The following N4BP2L2 variants were observed in gnomAD, a reference collection of about 807,000 sequenced individuals.
N4BP2L2 encodes the protein NEDD4-binding protein 2-like 2.
Under a neutral mutation model 56.2 loss-of-function variants are expected in N4BP2L2, and 50 were observed. That is an observed-to-expected ratio of 0.89 (90% CI 0.71 to 1.13). N4BP2L2 has a LOEUF of 1.13. Ranked by LOEUF, N4BP2L2 falls within the 50% of genes most tolerant of loss-of-function variation. The pLI, the probability that N4BP2L2 is intolerant of heterozygous loss-of-function variation, is 0.00. For synonymous variants in N4BP2L2, 203 were observed against 223.6 expected (o/e 0.91, Z 0.82); for missense variants, 689 against 693.8 (o/e 0.99, Z 0.08).
At chr13:32,485,968 G>A (rs748054357) in intron 6 of N4BP2L2, among the ~76,000 whole-genome samples, 2 of 152,184 alleles carry the variant, frequency 1.3e-5, no homozygotes, top group Non-Finnish European at 2.9e-5. Flanking sequence ...CACTCAGGAG[G>A]CTGAGGTGGA....
chr13:32,516,942 C>T (rs1016249935), exon 6 of N4BP2L2: 2 of 981,392 alleles, frequency 2.0e-6, no homozygotes, highest in Non-Finnish European at 2.4e-6. Flanking sequence ...CATCTAAAAA[C>T]TATCCAGTGA....
At chr13:32,442,855 T>C (rs755059242) in exon 7 of N4BP2L2, 7 of 1,613,628 alleles carry the variant, frequency 4.3e-6, no homozygotes, top group South Asian at 1.1e-5. Flanking sequence ...TTTGATAATA[T>C]CAAGGTAAAA....
At chr13:32,493,128 T>G (rs1460033763) in intron 6 of N4BP2L2, among the ~76,000 whole-genome samples, 1 of 151,988 alleles carries the variant, frequency 6.6e-6, no homozygotes, top group Admixed American at 6.6e-5. Flanking sequence ...TTTCACCATG[T>G]TGGCCAGGCT....
At chr13:32,442,007 C>T (rs1033169265) in intron 7 of N4BP2L2, among the ~76,000 whole-genome samples, 2 of 151,588 alleles carry the variant, frequency 1.3e-5, no homozygotes, top group Non-Finnish European at 2.9e-5. Flanking sequence ...ACCCGGGAGG[C>T]GGAGCTTGCA....
chr13:32,531,130 G>T (rs759404682), intron 2 of N4BP2L2, among the ~76,000 whole-genome samples: 1 of 152,114 alleles, frequency 6.6e-6, no homozygotes, highest in African/African-American at 2.4e-5. Context: ...CCCAAATCAA[G>T]CCTTCAGACC....
At chr13:32,484,101 G>C (rs551934132) in intron 6 of N4BP2L2, among the ~76,000 whole-genome samples, 53 of 152,112 alleles carry the variant, frequency 3.5e-4, no homozygotes, top group African/African-American at 1.3e-3. Flanking sequence ...CTTCTGCCAA[G>C]AGTTTGAGTC....
intron 6 of N4BP2L2, among the ~76,000 whole-genome samples, chr13:32,444,614 C>T (rs2076767905): frequency 1.3e-5 from 2 of 152,096 alleles, no homozygotes; most frequent in African/African-American, 4.8e-5. Flanking sequence ...ATATTTTAAT[C>T]CTATACATTA....
At chr13:32,478,947 T>A (rs1253174341) in intron 6 of N4BP2L2, 1 of 152,110 alleles carries the variant, frequency 6.6e-6, no homozygotes, top group Non-Finnish European at 1.5e-5. Context: ...CTGGCCAACA[T>A]GGTGAAACGC....
At position 32,527,531 on chromosome 13, in the gene N4BP2L2, T is replaced by A. The variant is rs1378127371; in HGVS notation, c.1261A>T (p.Ile421Phe). 4.3e-6 allele frequency: 7 copies of A among 1,610,994 alleles called. No homozygotes were observed. In the Admixed American group the frequency reaches 1.2e-4, roughly 27 times the overall value. The change falls in exon 3 of 6, where the codon ATT becomes TTT. Residue 421 changes from isoleucine to phenylalanine, a missense_variant and splice_region_variant. Transcript: ENST00000267068. Reference sequence around the variant, plus strand: ...CCATCACGATTCTGACCAAGCAGAATTCTGTTAATAAAAGAAATCATAAAG... The same window carrying A: ...CCATCACGATTCTGACCAAGCAGAAATCTGTTAATAAAAGAAATCATAAAG...
intron 6 of N4BP2L2, among the ~76,000 whole-genome samples, chr13:32,490,366 G>A (rs2086797884): frequency 6.6e-6 from 1 of 152,086 alleles, no homozygotes. Flanking sequence ...GTGCAGTGGC[G>A]CGATCTCGGC....
At chr13:32,529,665 T>C (rs747571793) in intron 2 of N4BP2L2, among the ~76,000 whole-genome samples, 1 of 152,014 alleles carries the variant, frequency 6.6e-6, no homozygotes, top group Non-Finnish European at 1.5e-5. Context: ...TTGTTTTTTT[T>C]TTTGTTTCGT....
intron 6 of N4BP2L2, chr13:32,477,172 C>T (rs940489232): frequency 1.9e-6 from 1 of 520,142 alleles, no homozygotes; most frequent in Non-Finnish European, 3.6e-6. Flanking sequence ...CTGAGATCTA[C>T]TCATTTCTCC....
chr13:32,439,242 TATC>T (rs1319526266), intron 7 of N4BP2L2, among the ~76,000 whole-genome samples: 1 of 152,256 alleles, frequency 6.6e-6, no homozygotes, highest in Non-Finnish European at 1.5e-5. Flanking sequence ...TTCATAAGCT[TATC>T]ATTTATATTT....
At chr13:32,534,347 TTG>T (rs1161215677) in intron 2 of N4BP2L2, among the ~76,000 whole-genome samples, 1 of 152,208 alleles carries the variant, frequency 6.6e-6, no homozygotes, top group Non-Finnish European at 1.5e-5. Flanking sequence ...CTCCAATATG[TTG>T]TCTCAAATCT....
chr13:32,432,574 C>T (rs1305872516), exon 10 of N4BP2L2: 2 of 152,120 alleles, frequency 1.3e-5, no homozygotes, highest in East Asian at 1.9e-4. Context: ...ACAATGAATA[C>T]ATTTGGAAAA....
intron 6 of N4BP2L2, among the ~76,000 whole-genome samples, chr13:32,456,350 C>G (rs562527977): frequency 9.4e-4 from 143 of 152,302 alleles, no homozygotes; most frequent in Non-Finnish European, 1.7e-3. Flanking sequence ...CCTACCCAAC[C>G]AACACCATAG....
At chr13:32,483,644 T>C (rs2085230579) in intron 6 of N4BP2L2, among the ~76,000 whole-genome samples, 1 of 152,244 alleles carries the variant, frequency 6.6e-6, no homozygotes, top group Admixed American at 6.5e-5. Context: ...TAGCATTGCA[T>C]GATTACTTTT....
At chr13:32,458,736 C>T (rs1258504188) in intron 6 of N4BP2L2, among the ~76,000 whole-genome samples, 2 of 152,106 alleles carry the variant, frequency 1.3e-5, no homozygotes, top group African/African-American at 2.4e-5. Context: ...AGATCACCTA[C>T]ACAGAAAATT....
intron 2 of N4BP2L2, among the ~76,000 whole-genome samples, chr13:32,529,115 A>G (rs1324579342): frequency 6.6e-6 from 1 of 152,208 alleles, no homozygotes; most frequent in Non-Finnish European, 1.5e-5. Context: ...CAGATGCAAT[A>G]TTTTTTCTCA....
Sources: gnomAD v4.1 joint callset for allele counts (sites outside exome capture counted in the v4.1 genomes callset) on GRCh38, gnomAD v4.1.1 for gene constraint, MANE v1.5 for transcripts, NCBI Gene and HGNC (gene_info 2026-07-23, HGNC 2026-07-21) for gene names.